PTPRT: variants seen among roughly 807,000 people sequenced by gnomAD.
PTPRT encodes receptor-type tyrosine-protein phosphatase T.
In PTPRT, 56 loss-of-function variants were observed where a neutral mutation model predicts 176.8. That is an observed-to-expected ratio of 0.32 (90% confidence interval 0.26 to 0.40). PTPRT has a LOEUF of 0.40. PTPRT is among the 10% of genes least tolerant of loss of function. The probability of loss-of-function intolerance (pLI) is 1.00; values close to 1 mark genes in which losing one functional copy is unlikely to be tolerated. For missense variants in PTPRT, 1,540 were observed against 1,908.2 expected, an observed-to-expected ratio of 0.81 and a Z score of 3.60; for synonymous variants, 783 against 739.0, an observed-to-expected ratio of 1.06 and a Z score of -0.96.
At chr20:42,753,710 G>A (rs183881724) in intron 6 of PTPRT, among the ~76,000 whole-genome samples, 1 of 152,338 alleles carries the variant, frequency 6.6e-6, no homozygotes, top group Non-Finnish European at 1.5e-5. Flanking sequence ...GGCCCAGGAT[G>A]CACAACCAGC....
At chr20:42,627,143 T>C (rs1322977378) in intron 7 of PTPRT, among the ~76,000 whole-genome samples, 1 of 152,164 alleles carries the variant, frequency 6.6e-6, no homozygotes, top group Non-Finnish European at 1.5e-5. Flanking sequence ...TTTGGTACGA[T>C]TTTATTTTCT....
At chr20:42,984,465 C>T (rs1006034049) in intron 1 of PTPRT, among the ~76,000 whole-genome samples, 1 of 152,222 alleles carries the variant, frequency 6.6e-6, no homozygotes, top group African/African-American at 2.4e-5. Flanking sequence ...AAGATAAGAG[C>T]TTTCTCATTA....
At chr20:43,061,551 C>T (rs1234652534) in intron 1 of PTPRT, among the ~76,000 whole-genome samples, 1 of 152,234 alleles carries the variant, frequency 6.6e-6, no homozygotes, top group African/African-American at 2.4e-5. Context: ...CTCTGGGCAG[C>T]TCTACTGCTA....
intron 11 of PTPRT, among the ~76,000 whole-genome samples, chr20:42,326,410 G>C (rs2057882519): frequency 6.6e-6 from 1 of 152,166 alleles, no homozygotes; most frequent in African/African-American, 2.4e-5. Flanking sequence ...GTCATTTGCA[G>C]ATAACATGAC....
intron 13 of PTPRT, among the ~76,000 whole-genome samples, chr20:42,278,025 C>T (rs527778774): frequency 1.9e-4 from 25 of 134,630 alleles, no homozygotes; most frequent in African/African-American, 6.3e-4. Flanking sequence ...TTTGCACTTA[C>T]GTCACTTAGA....
rs565929134 is a variant in PTPRT, at chr20:43,116,888, A to G, written c.88+72758T>C. The stretch of plus-strand genomic sequence containing the variant: ...TAGATAGCTCTTGCAACAAAAAAAC[A>G]CTGGCACCAAGCCCAGTGACCCAAA... On this transcript the variant is annotated intron_variant, in intron 1 of 30. Transcript: ENST00000373187. Among the ~76,000 whole-genome samples, 22 of 152,196 alleles carry G rather than the reference A, an allele frequency of 1.4e-4. No individual in the cohort carries two copies. In the East Asian group the frequency reaches 3.9e-3, roughly 27 times the overall value.
chr20:43,057,240 T>C (rs1223341290), intron 1 of PTPRT, among the ~76,000 whole-genome samples: 1 of 68,668 alleles, frequency 1.5e-5, no homozygotes, highest in East Asian at 4.9e-4. Flanking sequence ...TGAAAGTTCA[T>C]GGGGGTTGGG....
chr20:42,733,057 T>C (rs563798653), intron 6 of PTPRT, among the ~76,000 whole-genome samples: 1 of 152,278 alleles, frequency 6.6e-6, no homozygotes, highest in East Asian at 1.9e-4. Flanking sequence ...TGATGCAACC[T>C]CATGTGGAAA....
chr20:42,275,232 A>G (rs562265019), intron 13 of PTPRT, among the ~76,000 whole-genome samples: 1 of 152,348 alleles, frequency 6.6e-6, no homozygotes, highest in Non-Finnish European at 1.5e-5. Context: ...CATCACATTG[A>G]GATCCCATCA....
chr20:42,839,302 A>G (rs1358846477), intron 2 of PTPRT, among the ~76,000 whole-genome samples: 1 of 139,442 alleles, frequency 7.2e-6, no homozygotes, highest in South Asian at 2.2e-4. Context: ...CTCTGTGTTC[A>G]CTCTGTTTTT....
intron 7 of PTPRT, among the ~76,000 whole-genome samples, chr20:42,493,121 G>A (rs182063500): frequency 1.3e-5 from 2 of 152,224 alleles, no homozygotes; most frequent in Admixed American, 1.3e-4. Context: ...ATGTGCCAGG[G>A]ACTTGGCTAA....
the PTPRT span, among the ~76,000 whole-genome samples, chr20:42,046,447 C>A: frequency 6.6e-6 from 1 of 152,202 alleles, no homozygotes. Flanking sequence ...AATTCACCAA[C>A]CATCAGGCAG....
At chr20:42,743,501 A>G (rs554174357) in intron 6 of PTPRT, among the ~76,000 whole-genome samples, 12 of 152,172 alleles carry the variant, frequency 7.9e-5, no homozygotes, top group East Asian at 1.9e-4. Flanking sequence ...TTTTTATACT[A>G]TTTTAGAAAG....
intron 12 of PTPRT, among the ~76,000 whole-genome samples, chr20:42,306,295 T>G (rs1306942690): frequency 6.6e-6 from 1 of 151,852 alleles, no homozygotes; most frequent in East Asian, 1.9e-4. Flanking sequence ...CCAGCAGGGG[T>G]TTAGAGTTTT....
chr20:42,086,749 AAAAAAT>A (rs1983982330), intron 27 of PTPRT, among the ~76,000 whole-genome samples: 1 of 75,182 alleles, frequency 1.3e-5, no homozygotes, highest in African/African-American at 6.1e-5. Flanking sequence ...AAAAAAAAAA[AAAAAAT>A]ATATATATAT....
At chr20:43,025,032 C>A (rs1045318286) in intron 1 of PTPRT, among the ~76,000 whole-genome samples, 6 of 152,220 alleles carry the variant, frequency 3.9e-5, no homozygotes, top group African/African-American at 1.4e-4. Flanking sequence ...CTTTCCAACA[C>A]CTTCCTTGAC....
chr20:43,137,408 A>C (rs1478766088), intron 1 of PTPRT, among the ~76,000 whole-genome samples: 3 of 152,238 alleles, frequency 2.0e-5, no homozygotes, highest in Non-Finnish European at 4.4e-5. Flanking sequence ...ATTTGGGGCT[A>C]TAACAACAGG....
chr20:42,251,596 C>T (rs191908162), intron 13 of PTPRT, among the ~76,000 whole-genome samples: 55 of 151,802 alleles, frequency 3.6e-4, no homozygotes, highest in African/African-American at 1.3e-3. Context: ...GCAATTCACC[C>T]CTAATAGGGG....
intron 6 of PTPRT, among the ~76,000 whole-genome samples, chr20:42,721,001 C>A (rs906468964): frequency 6.6e-6 from 1 of 152,148 alleles, no homozygotes; most frequent in Non-Finnish European, 1.5e-5. Flanking sequence ...AAACACACAA[C>A]TGACAAAGTG....
Sources: gnomAD v4.1 joint callset for allele counts (sites outside exome capture counted in the v4.1 genomes callset) on GRCh38, gnomAD v4.1.1 for gene constraint, MANE v1.5 for transcripts, NCBI Gene and HGNC (gene_info 2026-07-23, HGNC 2026-07-21) for gene names.